The following MAPRE2 variants were observed in gnomAD, a reference collection of about 807,000 sequenced individuals.
MAPRE2 encodes microtubule-associated protein RP/EB family member 2.
A neutral mutation model predicts 43.2 loss-of-function variants in MAPRE2; 13 were observed. The observed-to-expected ratio is 0.30, with a 90% confidence interval of 0.20 to 0.48. MAPRE2 has a LOEUF of 0.48. Among genes scored for constraint, MAPRE2 ranks in the 20% least tolerant of loss-of-function variants. The pLI, the probability that MAPRE2 is intolerant of heterozygous loss-of-function variation, is 0.99. For missense variants in MAPRE2, 161 were observed against 400.2 expected, an observed-to-expected ratio of 0.40 and a Z score of 5.10; for synonymous variants, 135 against 148.8, an observed-to-expected ratio of 0.91 and a Z score of 0.68.
intron 1 of MAPRE2, among the ~76,000 whole-genome samples, chr18:35,060,920 G>C (rs1906491085): frequency 6.6e-6 from 1 of 152,038 alleles, no homozygotes; most frequent in Non-Finnish European, 1.5e-5. Context: ...ATATTCTGTT[G>C]GTTTTTTTTC....
At chr18:35,054,408 A>G (rs1432739295) in intron 1 of MAPRE2, among the ~76,000 whole-genome samples, 1 of 152,212 alleles carries the variant, frequency 6.6e-6, no homozygotes, top group African/African-American at 2.4e-5. Context: ...CTACTACTAG[A>G]TTTCGTGGGT....
intron 1 of MAPRE2, among the ~76,000 whole-genome samples, chr18:35,001,079 G>A (rs2097029080): frequency 6.6e-6 from 1 of 152,096 alleles, no homozygotes; most frequent in African/African-American, 2.4e-5. Flanking sequence ...ACTCTAGCTT[G>A]GGCATCACTG....
At chr18:35,006,624 A>G (rs1343191711) in intron 2 of MAPRE2, among the ~76,000 whole-genome samples, 1 of 152,228 alleles carries the variant, frequency 6.6e-6, no homozygotes. Flanking sequence ...CAGGTATAAA[A>G]TTCACTGTAT....
At chr18:35,056,174 TAA>T (rs927694540) in intron 1 of MAPRE2, among the ~76,000 whole-genome samples, 15 of 152,186 alleles carry the variant, frequency 9.9e-5, no homozygotes, top group Non-Finnish European at 2.2e-4. Context: ...CATCCTACTT[TAA>T]GTTTGTTGTT....
At chr18:35,137,270 G>A (rs1381510870) in intron 6 of MAPRE2, among the ~76,000 whole-genome samples, 1 of 152,218 alleles carries the variant, frequency 6.6e-6, no homozygotes, top group East Asian at 1.9e-4. Context: ...TCCTGTGACT[G>A]AGATTTAAGC....
intron 2 of MAPRE2, among the ~76,000 whole-genome samples, chr18:35,022,612 T>G (rs926046576): frequency 2.6e-5 from 4 of 152,240 alleles, no homozygotes; most frequent in African/African-American, 9.6e-5. Flanking sequence ...GCCTTCTCTA[T>G]GGAGGTAATA....
At chr18:35,131,345 A>G (rs1940712921) in intron 5 of MAPRE2, among the ~76,000 whole-genome samples, 1 of 152,182 alleles carries the variant, frequency 6.6e-6, no homozygotes, top group South Asian at 2.1e-4. Context: ...CAAGTATTTC[A>G]GTCTGTTCAG....
Position 35,100,741 on chromosome 18 carries a change from A to G in MAPRE2, c.397-1205A>G, listed in dbSNP as rs180733940. On this transcript the variant is annotated intron_variant, in intron 3 of 6. Transcript: ENST00000300249. ...CACAACTGGGCTACATATTACAAAG[A>G]AATTTAAAAAGTTTATCAGCCAGGC... is the stretch of plus-strand genomic sequence containing the variant. Among the ~76,000 whole-genome samples the G allele has an allele frequency of 2.3e-4, 35 of 152,328 alleles. No individual in the cohort carries two copies. The East Asian group carries it at 6.7e-3, about 29-fold the overall frequency.
intron 2 of MAPRE2, among the ~76,000 whole-genome samples, chr18:35,084,661 C>T (rs1486034189): frequency 1.3e-5 from 2 of 152,180 alleles, no homozygotes; most frequent in Non-Finnish European, 2.9e-5. Flanking sequence ...TCACATAAGC[C>T]GCCTCTGTGT....
intron 2 of MAPRE2, among the ~76,000 whole-genome samples, chr18:35,034,679 A>C (rs904974133): frequency 2.0e-5 from 3 of 152,036 alleles, no homozygotes; most frequent in Non-Finnish European, 4.4e-5. Flanking sequence ...AAAACAAACA[A>C]CCCCATCAAA....
intron 1 of MAPRE2, among the ~76,000 whole-genome samples, chr18:35,048,716 A>G (rs1160189223): frequency 6.7e-6 from 1 of 149,268 alleles, no homozygotes; most frequent in East Asian, 2.0e-4. Flanking sequence ...TATATAGTGT[A>G]TATATAGTAT....
At chr18:35,024,009 C>T (rs2097043568) in intron 2 of MAPRE2, among the ~76,000 whole-genome samples, 1 of 152,098 alleles carries the variant, frequency 6.6e-6, no homozygotes, top group Non-Finnish European at 1.5e-5. Flanking sequence ...AAATATACTA[C>T]CATAAAGAAC....
At chr18:35,020,686 A>G (rs1022090058) in intron 2 of MAPRE2, among the ~76,000 whole-genome samples, 2 of 152,150 alleles carry the variant, frequency 1.3e-5, no homozygotes, top group African/African-American at 4.8e-5. Context: ...CCTACTCAAG[A>G]AAACGTATCC....
intron 2 of MAPRE2, among the ~76,000 whole-genome samples, chr18:35,020,013 G>T (rs994533158): frequency 6.6e-6 from 1 of 151,922 alleles, no homozygotes; most frequent in African/African-American, 2.4e-5. Flanking sequence ...AAATCAGCTC[G>T]GCCTCAGGTT....
At chr18:35,037,715 G>C (rs1189558754), upstream of MAPRE2, among the ~76,000 whole-genome samples, 1 of 151,994 alleles carries the variant, frequency 6.6e-6, no homozygotes, top group Non-Finnish European at 1.5e-5. Flanking sequence ...CTGCTGGGTA[G>C]TGGGGAACCG....
chr18:34,991,931 T>C (rs1319906475), intron 1 of MAPRE2, among the ~76,000 whole-genome samples: 2 of 152,194 alleles, frequency 1.3e-5, no homozygotes, highest in African/African-American at 2.4e-5. Flanking sequence ...TTTTTAACAC[T>C]ATGTTCTTGT....
intron 6 of MAPRE2, among the ~76,000 whole-genome samples, chr18:35,132,872 G>T (rs552489383): frequency 2.6e-5 from 4 of 152,164 alleles, no homozygotes; most frequent in Non-Finnish European, 2.9e-5. Context: ...ATGCATGGCA[G>T]AGACTGAGGC....
At chr18:35,099,919 T>C (rs1318811278) in intron 3 of MAPRE2, among the ~76,000 whole-genome samples, 1 of 152,256 alleles carries the variant, frequency 6.6e-6, no homozygotes, top group Non-Finnish European at 1.5e-5. Flanking sequence ...CAAATTTTCA[T>C]TGATATGTAA....
At chr18:35,022,756 T>G (rs559206178) in intron 2 of MAPRE2, among the ~76,000 whole-genome samples, 1 of 152,320 alleles carries the variant, frequency 6.6e-6, no homozygotes, top group Non-Finnish European at 1.5e-5. Flanking sequence ...TGCTAGTCAT[T>G]TTTATAAAGA....
Sources: allele counts gnomAD v4.1 joint callset (sites outside exome capture counted in the v4.1 genomes callset), GRCh38; gene constraint gnomAD v4.1.1; transcripts MANE v1.5; gene names NCBI Gene and HGNC (gene_info 2026-07-23, HGNC 2026-07-21).